CDC14A: variants seen among roughly 807,000 people sequenced by gnomAD.
CDC14A encodes cell division cycle 14A, also known as dual specificity protein phosphatase CDC14A.
A neutral mutation model predicts 74.4 loss-of-function variants in CDC14A; 53 were observed. The observed-to-expected ratio is 0.71, with a 90% confidence interval of 0.57 to 0.89. The LOEUF is 0.89. Among genes scored for constraint, CDC14A ranks in the 40% least tolerant of loss-of-function variants. The pLI is 0.00. For missense variants in CDC14A, 646 were observed against 713.7 expected, an observed-to-expected ratio of 0.91 and a Z score of 1.08; for synonymous variants, 247 against 258.4, an observed-to-expected ratio of 0.96 and a Z score of 0.43.
chr1:100,444,797 G>A (rs965982430), intron 7 of CDC14A, among the ~76,000 whole-genome samples: 2 of 151,976 alleles, frequency 1.3e-5, no homozygotes, highest in African/African-American at 2.4e-5. Context: ...TCCTTATTAG[G>A]TTGCAAATTC....
intron 15 of CDC14A, among the ~76,000 whole-genome samples, chr1:100,515,748 A>G (rs1269229530): frequency 1.3e-5 from 2 of 152,212 alleles, no homozygotes; most frequent in Non-Finnish European, 2.9e-5. Context: ...TTTGTTACAA[A>G]ATACTGATGT....
intron 13 of CDC14A, 59 bp from the exon 14 acceptor site, chr1:100,498,026 G>C: frequency 6.5e-7 from 1 of 1,545,428 alleles, no homozygotes; most frequent in Non-Finnish European, 8.8e-7. Flanking sequence ...CTAGTTAGTT[G>C]CTGAATGTTT....
At chr1:100,431,842 TA>T (rs373735907) in intron 5 of CDC14A, among the ~76,000 whole-genome samples, 1,638 of 143,162 alleles carry the variant, frequency 0.011, 14 homozygotes, top group African/African-American at 0.03. Flanking sequence ...TCTCTGAAAT[TA>T]AAAAAAAAAA....
chr1:100,476,898 C>T (rs927039787), intron 10 of CDC14A, among the ~76,000 whole-genome samples: 2 of 152,052 alleles, frequency 1.3e-5, no homozygotes, highest in South Asian at 2.1e-4. Flanking sequence ...GAGATTATCC[C>T]GGATTGTTTG....
At chr1:100,420,057 C>CATATAT (rs1383225482) in intron 4 of CDC14A, among the ~76,000 whole-genome samples, 108 of 30,546 alleles carry the variant, frequency 3.5e-3, no homozygotes, top group Non-Finnish European at 4.9e-3. Flanking sequence ...CACACACACA[C>CATATAT]ACACACATAT....
At chr1:100,475,667 G>T (rs972804216) in intron 10 of CDC14A, among the ~76,000 whole-genome samples, 1 of 152,110 alleles carries the variant, frequency 6.6e-6, no homozygotes, top group African/African-American at 2.4e-5. Flanking sequence ...GTTGCTGGTG[G>T]GTGGAGGTGG....
At chr1:100,349,521 T>C (rs925918602), upstream of CDC14A, among the ~76,000 whole-genome samples, 2 of 152,226 alleles carry the variant, frequency 1.3e-5, no homozygotes, top group Non-Finnish European at 2.9e-5. Context: ...CATTAGAACC[T>C]TGGTATGTAT....
rs539009967 is a variant in CDC14A, at chr1:100,517,595, T to C, written c.1756-656T>C. On this transcript the variant is annotated intron_variant, in intron 15 of 15. Coordinates refer to ENST00000336454, the MANE Select transcript of CDC14A (RefSeq NM_003672.4). The stretch of plus-strand genomic sequence containing the variant: ...TCCCAATCACAATCCTTTTATATGT[T>C]AGTATCTAATGTGATGTGGAAGAAT... Among the ~76,000 whole-genome samples the C allele has an allele frequency of 2.0e-5, 3 of 152,350 alleles. No homozygotes were observed. In the East Asian group the frequency reaches 5.8e-4, roughly 29 times the overall value.
At position 100,480,517 on chromosome 1, in the gene CDC14A, T is replaced by C. The variant is rs76482742; in HGVS notation, c.978-3775T>C. Among the ~76,000 whole-genome samples the C allele has an allele frequency of 6.2e-4, 94 of 152,284 alleles. 2 individuals carry two copies. The East Asian group carries it at 0.014, about 22-fold the overall frequency. The stretch of plus-strand genomic sequence containing the variant: ...ATGATTTTGGGTATATACCTAAAAG[T>C]GGAGTTACTGGATCATGTGGTAATT... On this transcript the variant is annotated intron_variant, in intron 10 of 15. Transcript: ENST00000336454.
chr1:100,410,070 G>A (rs1660469945), intron 4 of CDC14A, among the ~76,000 whole-genome samples: 1 of 152,010 alleles, frequency 6.6e-6, no homozygotes, highest in African/African-American at 2.4e-5. Context: ...GAATTAACCA[G>A]GTGTGGTGGT....
At chr1:100,512,643 A>G (rs968946615) in intron 15 of CDC14A, among the ~76,000 whole-genome samples, 1 of 152,226 alleles carries the variant, frequency 6.6e-6, no homozygotes, top group African/African-American at 2.4e-5. Flanking sequence ...GTTGAAAAGC[A>G]TATATTAAAT....
upstream of CDC14A, chr1:100,351,604 ACTCTC>A (rs1651008318): frequency 4.6e-6 from 3 of 654,196 alleles, no homozygotes; most frequent in Admixed American, 5.7e-5. Flanking sequence ...GGACCAGTGG[ACTCTC>A]CTCTCTCTCC....
At chr1:100,482,243 TTTG>T (rs1322007128) in intron 10 of CDC14A, among the ~76,000 whole-genome samples, 1 of 152,182 alleles carries the variant, frequency 6.6e-6, no homozygotes, top group Non-Finnish European at 1.5e-5. Context: ...CTGTTCTCAC[TTTG>T]TTTTTTGTTC....
chr1:100,484,444 T>C lies in CDC14A; in HGVS notation c.1130T>C (p.Phe377Ser). 1 of 1,597,988 alleles carries C rather than the reference T, an allele frequency of 6.3e-7. No homozygotes were observed. Among genetic ancestry groups the C allele is most frequent in the South Asian group, 1.1e-5 (1 of 87,536 alleles). The stretch of plus-strand genomic sequence containing the variant: ...TCAAAAACACAAAACATGGAACGAT[T>C]TGGAGAGGTAAGTTTTCCCTAGGAG... ...NLSKTQNMER[F>S]GEDNLEDDDV... The change falls in exon 11 of 16, where the codon TTT (phenylalanine) becomes TCT (serine). Residue 377 changes from phenylalanine to serine, a missense_variant. By Grantham distance (155) the Phe-to-Ser change is radical. Transcript: ENST00000336454.
intron 5 of CDC14A, among the ~76,000 whole-genome samples, chr1:100,436,910 G>T (rs1664406287): frequency 6.6e-6 from 1 of 152,144 alleles, no homozygotes; most frequent in South Asian, 2.1e-4. Flanking sequence ...TTTTGGTCAG[G>T]TGCAGTGGCT....
At chr1:100,361,802 T>C (rs780331039) in intron 2 of CDC14A, among the ~76,000 whole-genome samples, 12 of 152,150 alleles carry the variant, frequency 7.9e-5, no homozygotes, top group Non-Finnish European at 1.3e-4. Flanking sequence ...TGCTTGTAAA[T>C]GGCAGAGAGT....
chr1:100,405,246 G>A (rs1017597969), intron 4 of CDC14A, among the ~76,000 whole-genome samples: 2 of 152,126 alleles, frequency 1.3e-5, no homozygotes, highest in African/African-American at 4.8e-5. Flanking sequence ...CTCATTTATA[G>A]CTTTTCTTAC....
chr1:100,416,220 A>C (rs1661512753), intron 4 of CDC14A, among the ~76,000 whole-genome samples: 1 of 152,136 alleles, frequency 6.6e-6, no homozygotes. Flanking sequence ...CATTCTTTGC[A>C]GGTAACTGGT....
intron 10 of CDC14A, among the ~76,000 whole-genome samples, chr1:100,474,310 G>A (rs1487211799): frequency 1.3e-5 from 2 of 151,796 alleles, no homozygotes; most frequent in Non-Finnish European, 2.9e-5. Flanking sequence ...TTTTTTGTCT[G>A]TTTTGTCTGG....
Sources: gnomAD v4.1 joint callset for allele counts (sites outside exome capture counted in the v4.1 genomes callset) on GRCh38, gnomAD v4.1.1 for gene constraint, MANE v1.5 for transcripts, NCBI Gene and HGNC (gene_info 2026-07-23, HGNC 2026-07-21) for gene names.